CHRNA7: variants seen among roughly 807,000 people sequenced by gnomAD.
CHRNA7 encodes neuronal acetylcholine receptor subunit alpha-7.
Under a neutral mutation model 48.0 loss-of-function variants are expected in CHRNA7, and 17 were observed. The ratio of observed to expected loss-of-function variants is 0.35; its 90% CI spans 0.24 to 0.53. The LOEUF (loss-of-function observed/expected upper bound fraction) is 0.53, where lower values mean the gene tolerates loss of function less well. CHRNA7 is among the 20% of genes least tolerant of loss of function. CHRNA7 has a pLI of 0.92. For missense variants in CHRNA7, 155 were observed against 577.7 expected, an observed-to-expected ratio of 0.27 and a Z score of 7.50; for synonymous variants, 75 against 242.3, an observed-to-expected ratio of 0.31 and a Z score of 6.41.
At chr15:32,114,361 A>G (rs541985543) in intron 4 of CHRNA7, among the ~76,000 whole-genome samples, 63 of 152,226 alleles carry the variant, frequency 4.1e-4, no homozygotes, top group African/African-American at 1.5e-3. Flanking sequence ...TCTACCTGAC[A>G]AATGTTACCA....
At chr15:32,041,264 C>T (rs1185190640) in intron 2 of CHRNA7, among the ~76,000 whole-genome samples, 3 of 152,212 alleles carry the variant, frequency 2.0e-5, no homozygotes, top group African/African-American at 7.2e-5. Flanking sequence ...TCTACTTCAA[C>T]AGTCCCCAAC....
At position 32,149,394 on chromosome 15, in the gene CHRNA7, A is replaced by G. The variant is rs755120163; in HGVS notation, c.351-4513A>G. 6.6e-6 allele frequency among the ~76,000 whole-genome samples: 1 copy of G among 152,134 alleles called. No homozygotes were observed. Among genetic ancestry groups the G allele is most frequent in the African/African-American group, 2.4e-5 (1 of 41,440 alleles). ...GGGAAGCTGCGCCGGTGCTGTGGCC[A>G]CTGAGGTCCTCATAGGGGTTCTGGC... is the stretch of plus-strand genomic sequence containing the variant. On this transcript the variant is annotated intron_variant, in intron 4 of 9. Coordinates refer to ENST00000306901, the MANE Select transcript of CHRNA7 (RefSeq NM_000746.6). The surrounding 1 kb of genome is among the most constrained non-coding windows in gnomAD (Gnocchi z 4.6).
intron 2 of CHRNA7, among the ~76,000 whole-genome samples, chr15:32,054,006 T>G (rs1239010483): frequency 6.6e-6 from 1 of 152,224 alleles, no homozygotes. Flanking sequence ...GTGAATTGTC[T>G]GTAAATATTC....
At chr15:32,105,021 A>G (rs1214316161) in intron 3 of CHRNA7, among the ~76,000 whole-genome samples, 2 of 152,238 alleles carry the variant, frequency 1.3e-5, no homozygotes, top group Non-Finnish European at 2.9e-5. Flanking sequence ...AGAAAAATGT[A>G]ACTGGATTAT....
intron 2 of CHRNA7, among the ~76,000 whole-genome samples, chr15:32,087,216 C>A (rs1369360019): frequency 6.6e-6 from 1 of 152,108 alleles, no homozygotes; most frequent in African/African-American, 2.4e-5. Flanking sequence ...GGAGTGTAAT[C>A]CAGTATTACC....
intron 4 of CHRNA7, among the ~76,000 whole-genome samples, chr15:32,139,705 G>A (rs1405696758): frequency 6.6e-6 from 1 of 151,538 alleles, no homozygotes; most frequent in Non-Finnish European, 1.5e-5. Context: ...TATTTTAATT[G>A]GATTGTTTGT....
At chr15:32,153,043 CT>C (rs1555389261) in intron 4 of CHRNA7, among the ~76,000 whole-genome samples, 1 of 126,976 alleles carries the variant, frequency 7.9e-6, no homozygotes, top group African/African-American at 3.1e-5. Context: ...CACTCTCCTT[CT>C]TTTCATCGCT....
intron 4 of CHRNA7, among the ~76,000 whole-genome samples, chr15:32,115,830 G>A (rs920105330): frequency 4.6e-5 from 7 of 152,086 alleles, no homozygotes; most frequent in South Asian, 2.1e-4. Flanking sequence ...GAGGAGGAGC[G>A]AAGAAGATGG....
intron 2 of CHRNA7, among the ~76,000 whole-genome samples, chr15:32,070,760 C>T (rs912535512): frequency 8.7e-5 from 12 of 137,410 alleles, no homozygotes; most frequent in African/African-American, 8.1e-5. Flanking sequence ...GATCTTGGCT[C>T]ACTGCAAACT....
intron 2 of CHRNA7, among the ~76,000 whole-genome samples, chr15:32,084,713 T>C (rs944285256): frequency 6.6e-6 from 1 of 152,264 alleles, no homozygotes; most frequent in Non-Finnish European, 1.5e-5. Flanking sequence ...CAGGCTACTT[T>C]ACTCGAGTGC....
chr15:32,040,289 T>G, intron 2 of CHRNA7, among the ~76,000 whole-genome samples: 1 of 152,118 alleles, frequency 6.6e-6, no homozygotes, highest in Non-Finnish European at 1.5e-5. Context: ...TGTTACTGAT[T>G]TTTTTGTTGT....
At chr15:32,044,221 G>C (rs2049497282) in intron 2 of CHRNA7, among the ~76,000 whole-genome samples, 1 of 147,258 alleles carries the variant, frequency 6.8e-6, no homozygotes, top group South Asian at 2.1e-4. Flanking sequence ...CACAAGTTTT[G>C]GACAATTGTT....
chr15:32,152,683 G>A (rs1184038287), intron 4 of CHRNA7, among the ~76,000 whole-genome samples: 1 of 152,184 alleles, frequency 6.6e-6, no homozygotes, highest in Non-Finnish European at 1.5e-5. Context: ...GCAGTGATGA[G>A]AGCAGGACTG....
intron 2 of CHRNA7, among the ~76,000 whole-genome samples, chr15:32,055,803 C>T (rs901719795): frequency 1.1e-4 from 16 of 152,050 alleles, no homozygotes; most frequent in Admixed American, 8.5e-4. Flanking sequence ...CACAGTGAAA[C>T]CCTGTCTCTA....
intron 2 of CHRNA7, among the ~76,000 whole-genome samples, chr15:32,087,528 G>A (rs1403146614): frequency 6.6e-6 from 1 of 152,162 alleles, no homozygotes; most frequent in Non-Finnish European, 1.5e-5. Flanking sequence ...TTCTGACAGA[G>A]CAAAGAGTTA....
rs186703503 is a variant in CHRNA7, at chr15:32,042,879, A to G, written c.195+11842A>G. On this transcript the variant is annotated intron_variant, in intron 2 of 9. Transcript: ENST00000306901. ...ATCTAATAATGTTTTTATAAGATACATTTCTTAAAATGACAAAAGTAATAT... is the reference window on the plus strand; with the variant it reads ...ATCTAATAATGTTTTTATAAGATACGTTTCTTAAAATGACAAAAGTAATAT... Among the ~76,000 whole-genome samples, 9 of 152,364 alleles carry G rather than the reference A, an allele frequency of 5.9e-5. No homozygotes were observed. The East Asian group carries it at 9.6e-4, about 16-fold the overall frequency.
chr15:32,044,652 AC>A (rs2049508774), intron 2 of CHRNA7, among the ~76,000 whole-genome samples: 1 of 152,204 alleles, frequency 6.6e-6, no homozygotes, highest in Non-Finnish European at 1.5e-5. Flanking sequence ...CATGTTCACC[AC>A]AGCTTTCACT....
chr15:32,031,206 TG>T (rs1160666817), intron 2 of CHRNA7, among the ~76,000 whole-genome samples, 169 bp downstream of exon 2: 2 of 151,990 alleles, frequency 1.3e-5, no homozygotes, highest in African/African-American at 4.8e-5. Context: ...CTCTCCTGAG[TG>T]TCTCATTTCT....
chr15:32,145,103 G>A (rs2051460198), intron 4 of CHRNA7, among the ~76,000 whole-genome samples: 1 of 152,104 alleles, frequency 6.6e-6, no homozygotes, highest in South Asian at 2.1e-4. Flanking sequence ...GTTTTGGTGT[G>A]GATGTCCCTT....
Sources: gnomAD v4.1 joint callset for allele counts (sites outside exome capture counted in the v4.1 genomes callset) on GRCh38, gnomAD v4.1.1 for gene constraint, Gnocchi (gnomAD v3.1) non-coding constraint, MANE v1.5 for transcripts, NCBI Gene and HGNC (gene_info 2026-07-23, HGNC 2026-07-21) for gene names.